Variants in RASAL2 observed in about 807,000 individuals in gnomAD.
RASAL2 encodes RAS protein activator like 2.
Under a neutral mutation model 128.9 loss-of-function variants are expected in RASAL2, and 58 were observed. That is an observed-to-expected ratio of 0.45 (90% CI 0.36 to 0.56). RASAL2 has a LOEUF of 0.56. RASAL2 is among the 20% of genes least tolerant of loss of function. RASAL2 has a pLI of 0.00. For missense variants in RASAL2, 1,360 were observed against 1,601.6 expected (o/e 0.85, Z 2.57); for synonymous variants, 561 against 580.8 (o/e 0.97, Z 0.49).
chr1:178,333,118 T>TC (rs1279644304), intron 3 of RASAL2, among the ~76,000 whole-genome samples: 1 of 151,922 alleles, frequency 6.6e-6, no homozygotes, highest in Non-Finnish European at 1.5e-5. Context: ...AAGCTCCGCC[T>TC]CCCGGGTTCA....
intron 3 of RASAL2, among the ~76,000 whole-genome samples, chr1:178,381,896 T>G (rs1175056461): frequency 6.6e-6 from 1 of 152,158 alleles, no homozygotes; most frequent in Admixed American, 6.5e-5. Context: ...TTAGAAGAGA[T>G]AGTTGATGAC....
chr1:178,188,889 G>T (rs553744143), intron 1 of RASAL2, among the ~76,000 whole-genome samples: 1 of 152,160 alleles, frequency 6.6e-6, no homozygotes, highest in African/African-American at 2.4e-5. Context: ...CCTCTAAAAA[G>T]CTATGAATAC....
At chr1:178,193,669 G>A (rs1295985623) in intron 1 of RASAL2, among the ~76,000 whole-genome samples, 1 of 151,898 alleles carries the variant, frequency 6.6e-6, no homozygotes, top group Non-Finnish European at 1.5e-5. Context: ...AGATTTAAAT[G>A]TCCTGTTTGG....
Position 178,478,446 on chromosome 1 carries a change from G to A in RASAL2, c.*5207G>A, listed in dbSNP as rs550103964. ...CTAGTTATATTAACTTAAGCAGACA[G>A]CAGCACATTAACCTGAGTTACACCT... On this transcript the variant is annotated 3_prime_UTR_variant, in exon 18 of 18. Coordinates refer to ENST00000367649, the MANE Select transcript of RASAL2 (RefSeq NM_170692.4). 6.6e-6 allele frequency: 1 copy of A among 152,306 alleles called. No homozygotes were observed. Among genetic ancestry groups the A allele is most frequent in the Non-Finnish European group, 1.5e-5 (1 of 68,022 alleles). 9.4% of individuals were successfully genotyped at this position (152,306 alleles called of 1,614,324 possible).
At position 178,226,305 on chromosome 1, in the gene RASAL2, A is replaced by G. The variant is rs1663785126; in HGVS notation, c.203-57259A>G. On this transcript the variant is annotated intron_variant, in intron 1 of 17. Transcript: ENST00000367649. ...TGGGGGGGCATGTTTCTTTGTGCCC[A>G]CATCATGAGTTTGGTCCTTTGCTTC... is the stretch of plus-strand genomic sequence containing the variant. 2.0e-5 allele frequency among the ~76,000 whole-genome samples: 3 copies of G among 152,192 alleles called. No individual in the cohort carries two copies. The South Asian group carries it at 6.2e-4, about 31-fold the overall frequency.
At chr1:178,418,710 C>T (rs970270248) in intron 4 of RASAL2, among the ~76,000 whole-genome samples, 1 of 152,178 alleles carries the variant, frequency 6.6e-6, no homozygotes, top group East Asian at 1.9e-4. Flanking sequence ...TACTGTTGTT[C>T]ACCAAATATT....
intron 1 of RASAL2, among the ~76,000 whole-genome samples, chr1:178,220,967 G>A (rs1320733924): frequency 1.3e-5 from 2 of 152,192 alleles, no homozygotes; most frequent in Non-Finnish European, 2.9e-5. Flanking sequence ...TGTACGTTAA[G>A]AGTATGTTTA....
chr1:178,269,217 A>G (rs1210056700), intron 1 of RASAL2, among the ~76,000 whole-genome samples: 1 of 152,250 alleles, frequency 6.6e-6, no homozygotes, highest in East Asian at 1.9e-4. Flanking sequence ...AAGCCAAGAA[A>G]GAGCCCTCAT....
chr1:178,410,101 G>A (rs1674266601), intron 4 of RASAL2, among the ~76,000 whole-genome samples: 1 of 152,078 alleles, frequency 6.6e-6, no homozygotes, highest in South Asian at 2.1e-4. Flanking sequence ...GGAAAAGAGA[G>A]CAGGAAAAAA....
intron 3 of RASAL2, among the ~76,000 whole-genome samples, chr1:178,305,700 T>C (rs980219374): frequency 1.3e-5 from 2 of 152,152 alleles, no homozygotes; most frequent in African/African-American, 2.4e-5. Flanking sequence ...GACCCCCAAG[T>C]CGAAATTTGT....
chr1:178,284,286 C>G (rs557224063), intron 2 of RASAL2, among the ~76,000 whole-genome samples: 1 of 152,298 alleles, frequency 6.6e-6, no homozygotes, highest in South Asian at 2.1e-4. Context: ...CTATACCAAA[C>G]AAAAATGGCC....
At position 178,439,494 on chromosome 1, in the gene RASAL2, A is replaced by G. The variant is rs1221031512; in HGVS notation, c.747A>G (p.Glu249=). The change falls in exon 6 of 18, where the codon GAA becomes GAG. Residue 249 remains glutamate, a synonymous_variant. Coordinates refer to ENST00000367649, the MANE Select transcript of RASAL2 (RefSeq NM_170692.4). ...ESLLSPCSTV[E]CLDLGRGEPV... The stretch of plus-strand genomic sequence containing the variant: ...TGCTGAGCCCATGCAGCACAGTGGA[A>G]TGTCTGGATCTTGGTAGAGGGGAAC... 2 of 1,612,854 alleles carry G rather than the reference A, an allele frequency of 1.2e-6. No homozygotes were observed. Among genetic ancestry groups the G allele is most frequent in the African/African-American group, 1.3e-5 (1 of 74,850 alleles).
At chr1:178,212,797 C>T (rs929702301) in intron 1 of RASAL2, among the ~76,000 whole-genome samples, 1 of 152,092 alleles carries the variant, frequency 6.6e-6, no homozygotes, top group South Asian at 2.1e-4. Context: ...CGTGCCCGGC[C>T]ACTTCTATCT....
At chr1:178,254,607 C>T (rs1358782834) in intron 1 of RASAL2, among the ~76,000 whole-genome samples, 1 of 152,202 alleles carries the variant, frequency 6.6e-6, no homozygotes, top group Non-Finnish European at 1.5e-5. Flanking sequence ...TGACCTCCCA[C>T]TACTGAGCTC....
intron 1 of RASAL2, among the ~76,000 whole-genome samples, chr1:178,137,679 A>G (rs1360418199): frequency 6.6e-6 from 1 of 152,214 alleles, no homozygotes; most frequent in Non-Finnish European, 1.5e-5. Context: ...ATTTCATTTC[A>G]CAGAATGAAA....
At chr1:178,379,269 T>C (rs1672151157) in intron 3 of RASAL2, among the ~76,000 whole-genome samples, 2 of 152,048 alleles carry the variant, frequency 1.3e-5, no homozygotes, top group Admixed American at 1.3e-4. Context: ...TAGTCTCAGC[T>C]ACTGGGGAGG....
At chr1:178,162,578 A>G (rs151008939) in intron 1 of RASAL2, among the ~76,000 whole-genome samples, 7,708 of 131,528 alleles carry the variant, frequency 0.059, 259 homozygotes, top group South Asian at 0.088. Context: ...TAAAATATAT[A>G]TAATATATAT....
At chr1:178,379,608 A>G (rs1001597272) in intron 3 of RASAL2, among the ~76,000 whole-genome samples, 4 of 152,208 alleles carry the variant, frequency 2.6e-5, no homozygotes, top group Admixed American at 1.3e-4. Flanking sequence ...ATAAATTAGC[A>G]TTCTGGCATC....
At chr1:178,364,343 T>C (rs549936597) in intron 3 of RASAL2, among the ~76,000 whole-genome samples, 18 of 152,318 alleles carry the variant, frequency 1.2e-4, no homozygotes, top group Non-Finnish European at 2.5e-4. Flanking sequence ...GGAATAAGAA[T>C]ATCTAAGTCT....
Sources: allele counts gnomAD v4.1 joint callset (sites outside exome capture counted in the v4.1 genomes callset), GRCh38; gene constraint gnomAD v4.1.1; transcripts MANE v1.5; gene names NCBI Gene and HGNC (gene_info 2026-07-23, HGNC 2026-07-21).